SMARCA1: variants seen among roughly 807,000 people sequenced by gnomAD.
SMARCA1 encodes SNF2 related chromatin remodeling ATPase 1, also known as SWI/SNF-related matrix-associated actin-dependent regulator of chromatin subfamily A member 1.
Under a neutral mutation model 93.6 loss-of-function variants are expected in SMARCA1, and 17 were observed. The observed-to-expected ratio is 0.18, with a 90% confidence interval of 0.12 to 0.27. The LOEUF (loss-of-function observed/expected upper bound fraction) is 0.27, where lower values mean the gene tolerates loss of function less well. Ranked by LOEUF, SMARCA1 falls within the 10% of genes least tolerant of loss-of-function variation. SMARCA1 has a pLI of 1.00. For synonymous variants in SMARCA1, 271 were observed against 271.4 expected (o/e 1.00, Z 0.01); for missense variants, 630 against 819.0 (o/e 0.77, Z 2.82).
At chrX:129,462,050 C>CATGA (rs1932814868) in intron 23 of SMARCA1, among the ~76,000 whole-genome samples, 1 of 111,767 alleles carries the variant, frequency 8.9e-6, no homozygotes, top group African/African-American at 3.2e-5. Context: ...AGTCAGGAGC[C>CATGA]ATGAATTCAG....
At chrX:129,474,158 T>A (rs186813581) in intron 19 of SMARCA1, among the ~76,000 whole-genome samples, 1 of 111,964 alleles carries the variant, frequency 8.9e-6, no homozygotes, top group African/African-American at 3.2e-5. Context: ...GTGGGGTATA[T>A]ATGGGTGTTC....
At chrX:129,520,987 C>T (rs748282336) in intron 1 of SMARCA1, among the ~76,000 whole-genome samples, 23 of 110,990 alleles carry the variant, frequency 2.1e-4, no homozygotes, top group South Asian at 1.2e-3. Flanking sequence ...AAGCGATTCT[C>T]CTGCCTCAGC....
intron 2 of SMARCA1, 63 bp from the exon 3 acceptor site, chrX:129,516,560 A>T: frequency 1.1e-6 from 1 of 937,751 alleles, no homozygotes. Context: ...GTTATTTAAC[A>T]AATACTTACT....
intron 9 of SMARCA1, among the ~76,000 whole-genome samples, chrX:129,502,846 G>A (rs1036277573): frequency 1.8e-5 from 2 of 111,455 alleles, no homozygotes; most frequent in Non-Finnish European, 3.8e-5. Flanking sequence ...TAAAAAGATA[G>A]AAAATATAGT....
chrX:129,451,993 A>G (rs946647259), intron 23 of SMARCA1, among the ~76,000 whole-genome samples: 3 of 111,715 alleles, frequency 2.7e-5, no homozygotes, highest in Non-Finnish European at 5.6e-5. Flanking sequence ...GTGAGCCACC[A>G]CGCCCAGCCT....
chrX:129,504,643 C>A (rs1229357516), intron 9 of SMARCA1, 91 bp downstream of exon 9: 2 of 417,234 alleles, frequency 4.8e-6, no homozygotes, highest in East Asian at 1.5e-4. Flanking sequence ...GAGGCAAACA[C>A]AAGTTCAAAC....
intron 9 of SMARCA1, among the ~76,000 whole-genome samples, chrX:129,501,822 C>T (rs1934573842): frequency 9.1e-6 from 1 of 110,121 alleles, no homozygotes; most frequent in Non-Finnish European, 1.9e-5. Context: ...ACCATGTTGG[C>T]CAGGATGGTC....
At chrX:129,484,159 A>C (rs1933796694) in intron 17 of SMARCA1, among the ~76,000 whole-genome samples, 1 of 112,283 alleles carries the variant, frequency 8.9e-6, no homozygotes, top group African/African-American at 3.2e-5. Context: ...GTATTTTACT[A>C]ATTTTTCTCT....
chrX:129,520,115 T>C (rs1472004878), intron 1 of SMARCA1, among the ~76,000 whole-genome samples: 1 of 104,022 alleles, frequency 9.6e-6, no homozygotes, highest in Admixed American at 1.1e-4. Context: ...AATTTTAAAA[T>C]ACCTACCTTC....
chrX:129,471,207 T>C lies in SMARCA1; in HGVS notation c.2562A>G (p.Thr854=), dbSNP rs1236522117. The C allele has an allele frequency of 2.5e-6, 3 of 1,186,801 alleles. No individual in the cohort carries two copies. The highest frequency in any genetic ancestry group is 3.4e-6 in the Non-Finnish European group (3 of 883,483). Residue 854 remains threonine (T), a synonymous_variant, in exon 20 of 25, where the codon ACA becomes ACG. Transcript: ENST00000371121. The part of the protein sequence containing the change: ...EETEEKEKLL[T]QGFTNWTKRD... Reference sequence around the variant, plus strand: ...ACAGCCATTGAAAATATTTTACTTGTGTGAGAAGTTTTTCCTTTTCTTCAG... The same window carrying C: ...ACAGCCATTGAAAATATTTTACTTGCGTGAGAAGTTTTTCCTTTTCTTCAG...
At chrX:129,465,805 T>C in intron 22 of SMARCA1, 39 bp downstream of exon 22, 2 of 1,051,386 alleles carry the variant, frequency 1.9e-6, no homozygotes, top group Non-Finnish European at 2.6e-6. Flanking sequence ...CTATTTCAAT[T>C]AAAACGATCT....
chrX:129,486,999 G>C lies in SMARCA1; in HGVS notation c.2217+19C>G. On this transcript the variant is annotated intron_variant, in intron 17 of 24. Coordinates refer to ENST00000371121, the MANE Select transcript of SMARCA1 (RefSeq NM_001282874.2). ...GAAATGCTCATTTGAGGGTCTAATG[G>C]TTGAGAGTAAAAAGTTACCTTCTGT... The C allele has an allele frequency of 1.7e-6, 2 of 1,156,628 alleles. No individual in the cohort carries two copies. The highest frequency in any genetic ancestry group is 6.3e-4 in the Middle Eastern group (2 of 3,156).
intron 5 of SMARCA1, among the ~76,000 whole-genome samples, chrX:129,512,823 C>T (rs12013085): frequency 1.4e-3 from 152 of 111,591 alleles, no homozygotes; most frequent in Middle Eastern, 4.6e-3. Context: ...AGGAATCCTA[C>T]GGAAATAATC....
At position 129,500,791 on chromosome X, in the gene SMARCA1, T is replaced by C. The variant is rs190792508; in HGVS notation, c.1168-950A>G. On this transcript the variant is annotated intron_variant, in intron 9 of 24. Transcript: ENST00000371121. ...TCAAGTGCCATATATCAGGTCTCTA[T>C]ATATGCTCCATTATAATCTGATGGG... is the stretch of plus-strand genomic sequence containing the variant. 3.6e-3 allele frequency among the ~76,000 whole-genome samples: 402 copies of C among 112,343 alleles called. 2 individuals are homozygous for C. Among genetic ancestry groups the C allele is most frequent in the African/African-American group, 0.012 (382 of 31,019 alleles).
In SMARCA1 at chrX:129,515,973, C is replaced by T; in HGVS notation, c.450G>A (p.Glu150=). The T allele has an allele frequency of 2.5e-6, 3 of 1,204,232 alleles. No homozygotes were observed. The highest frequency in any genetic ancestry group is 3.4e-6 in the Non-Finnish European group (3 of 888,795). ...SAGDYRHRRT[E]QEEDEELLSE... ...ACAGTAGCTCTTCATCTTCTTCTTG[C>T]TCTGTGCGCCTATGGCGGTAGCTGA... Residue 150 remains glutamate (E), a synonymous_variant, in exon 4 of 25, where the codon GAG becomes GAA. Transcript: ENST00000371121.
intron 12 of SMARCA1, among the ~76,000 whole-genome samples, chrX:129,495,134 G>A (rs1934272387): frequency 8.9e-6 from 1 of 112,308 alleles, no homozygotes; most frequent in African/African-American, 3.2e-5. Context: ...AGCATGCCCT[G>A]TGATGGAATG....
In SMARCA1 at chrX:129,492,235, T is replaced by A. The variant is rs947760876; in HGVS notation, c.1663-142A>T. 8 of 386,373 alleles carry A rather than the reference T, an allele frequency of 2.1e-5. 2 individuals are homozygous for A. The Admixed American group carries it at 3.4e-4, about 17-fold the overall frequency. The allele number at this position is 386,373 out of a possible 1,213,427, so 31.8% of individuals were successfully genotyped here. ...TTTATAATATTCCTTATAAATATAC[T>A]TTATAATATTCTTCCATCTTCAAAA... is the stretch of plus-strand genomic sequence containing the variant. On this transcript the variant is annotated intron_variant, in intron 13 of 24. Transcript: ENST00000371121.
intron 23 of SMARCA1, among the ~76,000 whole-genome samples, chrX:129,460,983 A>G (rs915028649): frequency 6.2e-5 from 7 of 112,292 alleles, no homozygotes; most frequent in Non-Finnish European, 1.3e-4. Context: ...TAAATAGAAA[A>G]CACTTTCATT....
chrX:129,501,337 C>T (rs951758812), intron 9 of SMARCA1, among the ~76,000 whole-genome samples: 8 of 110,016 alleles, frequency 7.3e-5, no homozygotes, highest in Non-Finnish European at 1.5e-4. Flanking sequence ...GCTCTGTCAC[C>T]CAGGCTGGAA....
Sources: allele counts gnomAD v4.1 joint callset (sites outside exome capture counted in the v4.1 genomes callset), GRCh38; gene constraint gnomAD v4.1.1; transcripts MANE v1.5; gene names NCBI Gene and HGNC (gene_info 2026-07-23, HGNC 2026-07-21).